The following KIAA1549L variants were observed in gnomAD, a reference collection of about 807,000 sequenced individuals.
The protein encoded by KIAA1549L is KIAA1549 like.
KIAA1549L carries 88 observed loss-of-function variants against 160.7 expected under a neutral mutation model. The ratio of observed to expected loss-of-function variants is 0.55; its 90% confidence interval spans 0.46 to 0.65. The LOEUF (loss-of-function observed/expected upper bound fraction) is 0.65. Ranked by LOEUF, KIAA1549L falls within the 30% of genes least tolerant of loss-of-function variation. KIAA1549L has a pLI of 0.00. For synonymous variants in KIAA1549L, 950 were observed against 976.7 expected (o/e 0.97, Z 0.51); for missense variants, 2,258 against 2,437.5 (o/e 0.93, Z 1.55).
rs148801698 is a variant in KIAA1549L, at chr11:33,391,029, C to G, written c.238+14140C>G. On this transcript the variant is annotated intron_variant, in intron 1 of 20. Transcript: ENST00000658780. ...GCTTCACAGGCCAGTCAACTAGTTGCATTTGTAATTATGTAAAAGGGAATA... is the reference window on the plus strand; with the variant it reads ...GCTTCACAGGCCAGTCAACTAGTTGGATTTGTAATTATGTAAAAGGGAATA... Among the ~76,000 whole-genome samples, 3 of 152,296 alleles carry G rather than the reference C, an allele frequency of 2.0e-5. No individual in the cohort carries two copies. The East Asian group carries it at 5.8e-4, about 29-fold the overall frequency.
At chr11:33,448,587 G>T (rs1286370500) in intron 1 of KIAA1549L, among the ~76,000 whole-genome samples, 3 of 152,116 alleles carry the variant, frequency 2.0e-5, no homozygotes, top group African/African-American at 7.2e-5. Flanking sequence ...TTCAGCTATT[G>T]CTTGTACTGC....
chr11:33,433,910 G>T (rs1351326494), intron 1 of KIAA1549L, among the ~76,000 whole-genome samples: 1 of 152,116 alleles, frequency 6.6e-6, no homozygotes, highest in African/African-American at 2.4e-5. Context: ...GACATAGAGA[G>T]GGGAACAACA....
chr11:33,616,211 C>A (rs1298831649), intron 15 of KIAA1549L, among the ~76,000 whole-genome samples: 1 of 152,214 alleles, frequency 6.6e-6, no homozygotes, highest in Non-Finnish European at 1.5e-5. Context: ...ATCTTGCTCT[C>A]TTTTCACTCT....
intron 7 of KIAA1549L, 57 bp from the exon 8 acceptor site, chr11:33,561,614 TAAATG>T: frequency 7.8e-7 from 1 of 1,286,970 alleles, no homozygotes; most frequent in Non-Finnish European, 1.1e-6. Flanking sequence ...TATAACTAAA[TAAATG>T]AAACGAAACA....
intron 15 of KIAA1549L, among the ~76,000 whole-genome samples, chr11:33,616,241 G>T (rs1850804305): frequency 6.6e-6 from 1 of 152,138 alleles, no homozygotes; most frequent in Admixed American, 6.5e-5. Context: ...CCATTTTCAG[G>T]CAGGCTCTTA....
chr11:33,397,462 G>A (rs1590218096), intron 1 of KIAA1549L, among the ~76,000 whole-genome samples: 2 of 151,516 alleles, frequency 1.3e-5, no homozygotes, highest in Middle Eastern at 3.5e-3. Flanking sequence ...TGTAATCCCA[G>A]CATTTTGGGA....
chr11:33,458,321 A>G (rs1851871718), intron 1 of KIAA1549L, among the ~76,000 whole-genome samples: 1 of 152,228 alleles, frequency 6.6e-6, no homozygotes, highest in African/African-American at 2.4e-5. Flanking sequence ...ATTTACATTT[A>G]TGGCATGTGG....
chr11:33,614,902 T>C (rs545480882), intron 15 of KIAA1549L, among the ~76,000 whole-genome samples: 19 of 149,012 alleles, frequency 1.3e-4, no homozygotes, highest in African/African-American at 4.9e-4. Context: ...TGAGCCACAG[T>C]GCCGGGCCTC....
chr11:33,378,791 G>T lies in KIAA1549L; in HGVS notation c.238+1902G>T, dbSNP rs576214305. On this transcript the variant is annotated intron_variant, in intron 1 of 20. Coordinates refer to ENST00000658780, the MANE Select transcript of KIAA1549L (RefSeq NM_012194.3). Reference sequence around the variant, plus strand: ...ATTCAATTCCATGACTCAGTGGAAGGGTTAAACACTGGGTTCCCTGTGTGT... The same window carrying T: ...ATTCAATTCCATGACTCAGTGGAAGTGTTAAACACTGGGTTCCCTGTGTGT... Among the ~76,000 whole-genome samples, 7 of 152,160 alleles carry T rather than the reference G, an allele frequency of 4.6e-5. No individual in the cohort carries two copies. The East Asian group carries it at 1.4e-3, about 29-fold the overall frequency.
At chr11:33,549,668 A>G (rs1183040838) in intron 4 of KIAA1549L, among the ~76,000 whole-genome samples, 1 of 152,176 alleles carries the variant, frequency 6.6e-6, no homozygotes, top group Non-Finnish European at 1.5e-5. Flanking sequence ...TCCTTTGGAA[A>G]ATACACATGG....
intron 1 of KIAA1549L, among the ~76,000 whole-genome samples, chr11:33,433,168 T>C (rs1354323836): frequency 1.3e-5 from 2 of 152,188 alleles, no homozygotes; most frequent in Admixed American, 1.3e-4. Context: ...CAGAATAGGA[T>C]AAAATTTTTG....
chr11:33,390,824 T>A (rs1460182095), intron 1 of KIAA1549L, among the ~76,000 whole-genome samples: 1 of 152,166 alleles, frequency 6.6e-6, no homozygotes, highest in Non-Finnish European at 1.5e-5. Context: ...GTATAAATAC[T>A]CCCACCATGG....
intron 1 of KIAA1549L, among the ~76,000 whole-genome samples, chr11:33,424,030 G>GA (rs552324125): frequency 0.17 from 23,868 of 142,920 alleles, 5,305 homozygotes; most frequent in African/African-American, 0.51. Context: ...CTCTGTCTTG[G>GA]AAAAAAAAAA....
rs532508867 is a variant in KIAA1549L at position 33,463,365 on chromosome 11, T to A, written c.239-78437T>A. Among the ~76,000 whole-genome samples, 8 of 152,118 alleles carry A rather than the reference T, an allele frequency of 5.3e-5. No homozygotes were observed. The South Asian group carries it at 1.7e-3, about 32-fold the overall frequency. ...TTTTAATTTTATTTAGTTTTGTTAG[T>A]CTCTTTTGCAAGCCAGTGTAAATGA... On this transcript the variant is annotated intron_variant, in intron 1 of 20. Coordinates refer to ENST00000658780, the MANE Select transcript of KIAA1549L (RefSeq NM_012194.3).
At chr11:33,412,524 G>A (rs1850805163) in intron 1 of KIAA1549L, among the ~76,000 whole-genome samples, 1 of 152,180 alleles carries the variant, frequency 6.6e-6, no homozygotes, top group East Asian at 1.9e-4. Context: ...GGTGTTTCTG[G>A]GTGCTGCTCT....
chr11:33,474,762 A>G (rs1052073992), intron 1 of KIAA1549L, among the ~76,000 whole-genome samples: 5 of 152,242 alleles, frequency 3.3e-5, no homozygotes, highest in East Asian at 1.9e-4. Context: ...TAGGTACCCA[A>G]TAAACACCTG....
intron 1 of KIAA1549L, among the ~76,000 whole-genome samples, chr11:33,391,390 G>A (rs1850270416): frequency 6.6e-6 from 1 of 152,136 alleles, no homozygotes; most frequent in Admixed American, 6.5e-5. Context: ...GAGTCCACGT[G>A]GTACCCTAGT....
chr11:33,532,389 G>T (rs1042261829), intron 1 of KIAA1549L, among the ~76,000 whole-genome samples: 9 of 152,146 alleles, frequency 5.9e-5, no homozygotes, highest in Non-Finnish European at 1.3e-4. Context: ...AACAAATAAT[G>T]ATAATAATAA....
intron 17 of KIAA1549L, among the ~76,000 whole-genome samples, chr11:33,649,079 G>A (rs1274408657): frequency 6.6e-6 from 1 of 152,168 alleles, no homozygotes; most frequent in East Asian, 1.9e-4. Flanking sequence ...GCAGTAAATG[G>A]CAGAACTGGA....
Sources: gnomAD v4.1 joint callset for allele counts (sites outside exome capture counted in the v4.1 genomes callset) on GRCh38, gnomAD v4.1.1 for gene constraint, MANE v1.5 for transcripts, NCBI Gene and HGNC (gene_info 2026-07-23, HGNC 2026-07-21) for gene names.